Variants in PI4KA observed in about 807,000 individuals in gnomAD.
The protein encoded by PI4KA is phosphatidylinositol 4-kinase alpha, also known as PI4-kinase alpha.
Under a neutral mutation model 271.4 loss-of-function variants are expected in PI4KA, and 122 were observed. The observed-to-expected ratio is 0.45, with a 90% CI of 0.39 to 0.52. The LOEUF (loss-of-function observed/expected upper bound fraction) is 0.52. Among genes scored for constraint, PI4KA ranks in the 20% least tolerant of loss-of-function variants. PI4KA has a pLI of 0.00. For synonymous variants in PI4KA, 1,041 were observed against 1,078.8 expected (o/e 0.96, Z 0.69); for missense variants, 1,969 against 2,769.1 (o/e 0.71, Z 6.48).
intron 9 of PI4KA, among the ~76,000 whole-genome samples, chr22:20,807,794 T>C (rs557604855): frequency 3.1e-4 from 47 of 152,268 alleles, no homozygotes; most frequent in Non-Finnish European, 3.2e-4. Context: ...GGAGGAAGAC[T>C]GACAAAGGCC....
At chr22:20,824,229 A>G in intron 4 of PI4KA, 97 bp downstream of exon 4, 1 of 805,096 alleles carries the variant, frequency 1.2e-6, no homozygotes, top group Non-Finnish European at 2.1e-6. Flanking sequence ...TCAACAAACA[A>G]TTCAATCACA....
At chr22:20,819,023 G>A (rs1181627858) in intron 6 of PI4KA, among the ~76,000 whole-genome samples, 2 of 152,218 alleles carry the variant, frequency 1.3e-5, no homozygotes, top group African/African-American at 4.8e-5. Flanking sequence ...ATAAAGGCGG[G>A]AGCCAGGGGA....
intron 53 of PI4KA, among the ~76,000 whole-genome samples, chr22:20,709,687 A>AAC (rs373609759): frequency 2.0e-5 from 2 of 100,412 alleles, no homozygotes; most frequent in Non-Finnish European, 4.1e-5. Context: ...CCTTGACATA[A>AAC]AGAGGCCCCT....
Position 20,718,698 on chromosome 22 carries a change from G to T in PI4KA, c.5241C>A (p.Ile1747=). The T allele has an allele frequency of 6.2e-7, 1 of 1,613,390 alleles. No individual in the cohort carries two copies. Among genetic ancestry groups the T allele is most frequent in the South Asian group, 1.1e-5 (1 of 91,046 alleles). ...FFNKITNVSA[I]IKPYPKGDER... is the part of the protein sequence containing the mutation. ...TTCTGAAGCACTGCACTTACTTGAT[G>T]ATAGCCGACACGTTGGTGATCTTGT... is the stretch of plus-strand genomic sequence containing the variant. Residue 1747 remains isoleucine (I), a synonymous_variant, in exon 44 of 55, where the codon ATC becomes ATA. Coordinates refer to ENST00000255882, the MANE Select transcript of PI4KA (RefSeq NM_058004.4).
intron 19 of PI4KA, among the ~76,000 whole-genome samples, chr22:20,775,537 T>C (rs1476504844): frequency 6.6e-6 from 1 of 152,256 alleles, no homozygotes; most frequent in Non-Finnish European, 1.5e-5. Context: ...TGCCACTCTA[T>C]CTGGCCTCAG....
At position 20,818,527 on chromosome 22, in the gene PI4KA, G is replaced by A; in HGVS notation, c.812C>T (p.Pro271Leu). 2 of 1,560,998 alleles carry A rather than the reference G, an allele frequency of 1.3e-6. No individual in the cohort carries two copies. The highest frequency in any genetic ancestry group is 8.6e-7 in the Non-Finnish European group (1 of 1,159,858). The change falls in exon 7 of 55, where the codon CCC becomes CTC. Residue 271 changes from proline (P) to leucine (L), a missense_variant. Pro to Leu is a moderately conservative substitution (Grantham distance 98). Around this residue, in one of 13 missense-constraint regions of PI4KA, gnomAD observed 540 missense variants for 555.5 expected, o/e 0.97. Transcript: ENST00000255882. Reference sequence around the variant, plus strand: ...AGATCCTCCAGGGGAACTGGGAGGGGGCATGCCGCGTTCAGGGCTGACCTG... The same window carrying A: ...AGATCCTCCAGGGGAACTGGGAGGGAGCATGCCGCGTTCAGGGCTGACCTG... ...ISQVSPERGM[P>L]PPSSPGGSAF...
At chr22:20,824,226 A>AG in intron 4 of PI4KA, 100 bp downstream of exon 4, 1 of 796,946 alleles carries the variant, frequency 1.3e-6, no homozygotes, top group Non-Finnish European at 2.2e-6. Context: ...ATATCAACAA[A>AG]CAATTCAATC....
chr22:20,717,229 T>A (rs547797476), intron 45 of PI4KA, among the ~76,000 whole-genome samples: 97 of 152,154 alleles, frequency 6.4e-4, no homozygotes, highest in Non-Finnish European at 1.1e-3. Context: ...AAGTCTGGAT[T>A]TCCATCTTCT....
At chr22:20,775,301 C>T (rs1476141308) in intron 19 of PI4KA, among the ~76,000 whole-genome samples, 3 of 152,062 alleles carry the variant, frequency 2.0e-5, no homozygotes, top group Non-Finnish European at 4.4e-5. Context: ...AGTTTTTAAA[C>T]GTCTTCTACA....
intron 3 of PI4KA, among the ~76,000 whole-genome samples, chr22:20,829,064 C>T (rs28864796): frequency 4.4e-4 from 67 of 152,182 alleles, no homozygotes; most frequent in African/African-American, 1.6e-3. Context: ...GATTCAGTTA[C>T]CTAGTATTTT....
At chr22:20,844,387 C>T (rs528932769) in intron 1 of PI4KA, among the ~76,000 whole-genome samples, 16 of 152,344 alleles carry the variant, frequency 1.1e-4, no homozygotes, top group African/African-American at 3.8e-4. Context: ...AGGCACAGTG[C>T]TGGCATGCAG....
intron 3 of PI4KA, among the ~76,000 whole-genome samples, chr22:20,824,733 C>CACACACAA (rs1491195373): frequency 6.4e-5 from 1 of 15,538 alleles, no homozygotes; most frequent in Non-Finnish European, 1.1e-4. Context: ...TGTGATAAAT[C>CACACACAA]ACACACACAC....
intron 14 of PI4KA, 136 bp downstream of exon 14, chr22:20,801,837 G>T: frequency 1.1e-6 from 1 of 923,916 alleles, no homozygotes; most frequent in Non-Finnish European, 1.6e-6. Flanking sequence ...AGTGAGCCGA[G>T]ATTGTGCCAC....
intron 12 of PI4KA, 141 bp downstream of exon 12, chr22:20,804,159 C>T (rs1935503477): frequency 7.8e-6 from 5 of 640,394 alleles, no homozygotes; most frequent in East Asian, 2.7e-5. Context: ...GTGCACAGCA[C>T]GCACTGGTTA....
At chr22:20,840,951 G>C (rs1234818795) in intron 1 of PI4KA, among the ~76,000 whole-genome samples, 1 of 152,138 alleles carries the variant, frequency 6.6e-6, no homozygotes, top group Non-Finnish European at 1.5e-5. Flanking sequence ...GAGACCTACT[G>C]GGCTACATTC....
At chr22:20,807,516 T>C (rs958347308) in intron 9 of PI4KA, 58 bp from the exon 10 acceptor site, 4 of 996,814 alleles carry the variant, frequency 4.0e-6, no homozygotes, top group African/African-American at 3.2e-5. Context: ...TGCCCACCCT[T>C]TGCCTTCACA....
At chr22:20,759,402 C>CTTTTTTTTTTTTTTTTTTTTTTTTT (rs886192073) in intron 23 of PI4KA, among the ~76,000 whole-genome samples, 25 of 102,884 alleles carry the variant, frequency 2.4e-4, no homozygotes, top group Admixed American at 5.6e-4. Context: ...CTTTTCTTTT[C>CTTTTTTTTTTTTTTTTTTTTTTTTT]TTTTTTTTTT....
At chr22:20,831,490 C>T (rs1178839812) in intron 3 of PI4KA, among the ~76,000 whole-genome samples, 2 of 152,096 alleles carry the variant, frequency 1.3e-5, no homozygotes, top group Non-Finnish European at 2.9e-5. Flanking sequence ...ATTGCTTGAA[C>T]CTGGGAGGCG....
intron 23 of PI4KA, among the ~76,000 whole-genome samples, chr22:20,754,666 T>A (rs1451016888): frequency 2.0e-5 from 3 of 152,106 alleles, no homozygotes; most frequent in Admixed American, 2.0e-4. Flanking sequence ...TTAAAAAATG[T>A]TGGCCAGGCA....
Sources: gnomAD v4.1 joint callset for allele counts (sites outside exome capture counted in the v4.1 genomes callset) on GRCh38, gnomAD v4.1.1 for gene constraint, gnomAD v4.1.1 regional missense constraint, MANE v1.5 for transcripts, NCBI Gene and HGNC (gene_info 2026-07-23, HGNC 2026-07-21) for gene names.